Variants in FMNL2 observed in about 807,000 individuals in gnomAD.
FMNL2 encodes formin like 2, also known as formin-like protein 2.
A neutral mutation model predicts 130.2 loss-of-function variants in FMNL2; 51 were observed. That is an observed-to-expected ratio of 0.39 (90% CI 0.31 to 0.49). FMNL2 has a LOEUF of 0.49. FMNL2 is among the 20% of genes least tolerant of loss of function. The pLI is 0.85. For missense variants in FMNL2, 977 were observed against 1,316.2 expected (o/e 0.74, Z 3.99); for synonymous variants, 465 against 467.1 (o/e 1.00, Z 0.06).
intron 1 of FMNL2, among the ~76,000 whole-genome samples, chr2:152,412,480 ATATATATATATATATATATAT>A (rs1686367529): frequency 2.9e-5 from 1 of 34,666 alleles, no homozygotes; most frequent in African/African-American, 9.1e-5. Flanking sequence ...ATATATATAT[ATATATATATATATATATATAT>A]AAATTAGAAA....
chr2:152,450,111 A>T (rs746612458), intron 1 of FMNL2, among the ~76,000 whole-genome samples: 1 of 152,192 alleles, frequency 6.6e-6, no homozygotes, highest in African/African-American at 2.4e-5. Context: ...GAGCTTGGGG[A>T]ATAAAAACTA....
intron 15 of FMNL2, 21 bp downstream of exon 15, chr2:152,619,739 C>A: frequency 6.3e-7 from 1 of 1,599,640 alleles, no homozygotes; most frequent in Non-Finnish European, 8.5e-7. Context: ...AGAATTCAAA[C>A]CCAGGTACTC....
chr2:152,435,923 T>C (rs915919573), intron 1 of FMNL2, among the ~76,000 whole-genome samples: 2 of 152,200 alleles, frequency 1.3e-5, no homozygotes, highest in Non-Finnish European at 1.5e-5. Flanking sequence ...AATACTACCT[T>C]GACCCAGCCT....
At chr2:152,338,826 C>CACACACACACACACACACACACACAT in intron 1 of FMNL2, among the ~76,000 whole-genome samples, 1 of 141,276 alleles carries the variant, frequency 7.1e-6, no homozygotes, top group East Asian at 1.9e-4. Flanking sequence ...GAGATACACA[C>CACACACACACACACACACACACACAT]ACACACACAC....
chr2:152,464,519 A>G (rs773601585), intron 1 of FMNL2, among the ~76,000 whole-genome samples: 13 of 152,088 alleles, frequency 8.5e-5, no homozygotes, highest in Non-Finnish European at 1.5e-4. Context: ...TGTTTGGGGG[A>G]GAAGGGAGCA....
rs60639670 is a variant in FMNL2 at position 152,431,965 on chromosome 2, T to TAAAAAAAAAAAAAAAA, written c.118-89973_118-89958dup. Reference sequence around the variant, plus strand: ...GGGCAACAGAGTGAAACCCTATCTTTAAAAAAAAAAAAAAAAAAAAGATTT... The same window carrying TAAAAAAAAAAAAAAAA: ...GGGCAACAGAGTGAAACCCTATCTTTAAAAAAAAAAAAAAAAAAAAAAAAAAAAAAAAAAAAGATTT... On this transcript the variant is annotated intron_variant, in intron 1 of 25. Coordinates refer to ENST00000288670, the MANE Select transcript of FMNL2 (RefSeq NM_052905.4). 6.7e-4 allele frequency among the ~76,000 whole-genome samples: 55 copies of TAAAAAAAAAAAAAAAA among 82,144 alleles called. 4 individuals carry two copies. The highest frequency in any genetic ancestry group is 3.3e-3 in the African/African-American group (52 of 15,618). The allele number at this position is 82,144 out of a possible 152,430, so 53.9% of individuals were successfully genotyped here.
intron 1 of FMNL2, among the ~76,000 whole-genome samples, chr2:152,390,812 G>T (rs1372300301): frequency 1.3e-5 from 2 of 152,202 alleles, no homozygotes; most frequent in African/African-American, 2.4e-5. Context: ...GTCTTCCCCA[G>T]TTGGCCTACT....
chr2:152,343,392 TTCA>T (rs1681924306), intron 1 of FMNL2, among the ~76,000 whole-genome samples: 1 of 152,086 alleles, frequency 6.6e-6, no homozygotes, highest in Non-Finnish European at 1.5e-5. Flanking sequence ...GCCTCCTGGG[TTCA>T]AGCGATCCTC....
At chr2:152,594,668 G>C (rs1040552123) in intron 9 of FMNL2, among the ~76,000 whole-genome samples, 1 of 152,190 alleles carries the variant, frequency 6.6e-6, no homozygotes, top group South Asian at 2.1e-4. Context: ...GCTTTTGAAA[G>C]ATGGAGCTTT....
rs76480359 is a variant in FMNL2, at chr2:152,544,065, T to C, written c.282+1246T>C. Among the ~76,000 whole-genome samples the C allele has an allele frequency of 3.6e-3, 548 of 152,318 alleles. 5 individuals are homozygous for C. The highest frequency in any genetic ancestry group is 0.012 in the African/African-American group (505 of 41,566). On this transcript the variant is annotated intron_variant, in intron 3 of 25. Transcript: ENST00000288670. The stretch of plus-strand genomic sequence containing the variant: ...AGTTCTTGTTAACTTCTCTCATTTC[T>C]CCCTTTCCCTAAGAATGTGGCAGTC...
intron 1 of FMNL2, among the ~76,000 whole-genome samples, chr2:152,384,388 G>A (rs1041183063): frequency 6.6e-6 from 1 of 152,194 alleles, no homozygotes; most frequent in African/African-American, 2.4e-5. Flanking sequence ...GGATGTTGAG[G>A]TAGGGCCTGG....
intron 1 of FMNL2, among the ~76,000 whole-genome samples, chr2:152,400,863 G>A (rs534188761): frequency 1.3e-5 from 2 of 152,334 alleles, no homozygotes; most frequent in South Asian, 4.1e-4. Flanking sequence ...GAGCCCCACT[G>A]CTTTAGGGGT....
chr2:152,399,742 A>G (rs557215198), intron 1 of FMNL2, among the ~76,000 whole-genome samples: 35 of 152,292 alleles, frequency 2.3e-4, no homozygotes, highest in Non-Finnish European at 3.5e-4. Context: ...AGGCTTTGCA[A>G]TCGATTCGAT....
chr2:152,508,966 T>C (rs1257037192), intron 1 of FMNL2, among the ~76,000 whole-genome samples: 1 of 152,248 alleles, frequency 6.6e-6, no homozygotes, highest in Non-Finnish European at 1.5e-5. Flanking sequence ...AGAAATTCTT[T>C]GTCTGTAAAT....
intron 1 of FMNL2, among the ~76,000 whole-genome samples, chr2:152,393,113 A>G (rs1475081278): frequency 6.6e-6 from 1 of 152,212 alleles, no homozygotes; most frequent in East Asian, 1.9e-4. Context: ...ATAGTCCTTC[A>G]GTCAGATGTC....
At chr2:152,546,147 C>A (rs1260058583) in intron 3 of FMNL2, among the ~76,000 whole-genome samples, 5 of 152,114 alleles carry the variant, frequency 3.3e-5, no homozygotes, top group Non-Finnish European at 7.4e-5. Flanking sequence ...TAAGGGATGA[C>A]CTTGCCCCGA....
intron 25 of FMNL2, chr2:152,645,609 G>C (rs1683482420): frequency 1.1e-6 from 1 of 870,636 alleles, no homozygotes; most frequent in South Asian, 1.5e-5. Context: ...GGGTAATACT[G>C]GTGAGAATCT....
intron 25 of FMNL2, among the ~76,000 whole-genome samples, chr2:152,642,939 G>A (rs2105975764): frequency 6.6e-6 from 1 of 152,224 alleles, no homozygotes; most frequent in Admixed American, 6.5e-5. Flanking sequence ...AACCTGGGAG[G>A]TGGAAGTTGC....
intron 1 of FMNL2, among the ~76,000 whole-genome samples, chr2:152,407,585 T>A (rs1686054655): frequency 6.6e-6 from 1 of 152,222 alleles, no homozygotes; most frequent in African/African-American, 2.4e-5. Context: ...GAGGAACCTA[T>A]GTTTCTTCTC....
Sources: gnomAD v4.1 joint callset for allele counts (sites outside exome capture counted in the v4.1 genomes callset) on GRCh38, gnomAD v4.1.1 for gene constraint, MANE v1.5 for transcripts, NCBI Gene and HGNC (gene_info 2026-07-23, HGNC 2026-07-21) for gene names.